Variants in SNX7 observed in about 807,000 individuals in gnomAD.
SNX7 encodes the protein sorting nexin-7.
Under a neutral mutation model 48.4 loss-of-function variants are expected in SNX7, and 35 were observed. The ratio of observed to expected loss-of-function variants is 0.72; its 90% confidence interval spans 0.55 to 0.96. The LOEUF is 0.96. SNX7 is among the 40% of genes least tolerant of loss of function. The pLI, the probability that SNX7 is intolerant of heterozygous loss-of-function variation, is 0.00. For synonymous variants in SNX7, 190 were observed against 190.2 expected (o/e 1.00, Z 0.01); for missense variants, 553 against 548.9 (o/e 1.01, Z -0.07).
At position 98,669,560 on chromosome 1, in the gene SNX7, G is replaced by T. The variant is rs552652482; in HGVS notation, c.180+7649G>T. On this transcript the variant is annotated intron_variant, in intron 1 of 8. Transcript: ENST00000306121. ...CAGTTCCATGACTGTTACATCACCTGGGAGCTGGTTACAAATGCAGTCTCA... is the reference window on the plus strand; with the variant it reads ...CAGTTCCATGACTGTTACATCACCTTGGAGCTGGTTACAAATGCAGTCTCA... 2.0e-5 allele frequency among the ~76,000 whole-genome samples: 3 copies of T among 152,276 alleles called. No homozygotes were observed. The South Asian group carries it at 6.2e-4, about 32-fold the overall frequency.
intron 5 of SNX7, among the ~76,000 whole-genome samples, chr1:98,698,041 TTAAC>T (rs925580137): frequency 6.3e-4 from 96 of 152,134 alleles, no homozygotes; most frequent in African/African-American, 2.2e-3. Flanking sequence ...GAGGACTAAT[TTAAC>T]TAATTTAATT....
At chr1:98,686,749 T>C (rs1434425732) in intron 2 of SNX7, among the ~76,000 whole-genome samples, 1 of 152,154 alleles carries the variant, frequency 6.6e-6, no homozygotes, top group African/African-American at 2.4e-5. Context: ...ATAACAGTAC[T>C]AACCTCATAA....
At chr1:98,728,740 GCTAA>G (rs1298204410) in intron 7 of SNX7, among the ~76,000 whole-genome samples, 1 of 152,110 alleles carries the variant, frequency 6.6e-6, no homozygotes, top group Non-Finnish European at 1.5e-5. Flanking sequence ...AGCAAGAAGA[GCTAA>G]CTAATCTAGA....
At chr1:98,700,790 G>A (rs1651709096) in intron 6 of SNX7, among the ~76,000 whole-genome samples, 1 of 151,892 alleles carries the variant, frequency 6.6e-6, no homozygotes, top group African/African-American at 2.4e-5. Flanking sequence ...ATGCTTTTTG[G>A]TTATCATTTA....
Position 98,674,944 on chromosome 1 carries a change from G to A in SNX7, c.181-9941G>A, listed in dbSNP as rs150855394. Reference sequence around the variant, plus strand: ...CACTGTTCTAGCTACAGGAGTAAACGTGATTTAAGAAGTAGAGATTTGTCA... The same window carrying A: ...CACTGTTCTAGCTACAGGAGTAAACATGATTTAAGAAGTAGAGATTTGTCA... On this transcript the variant is annotated intron_variant, in intron 1 of 8. Transcript: ENST00000306121. Among the ~76,000 whole-genome samples the A allele has an allele frequency of 3.8e-4, 58 of 152,222 alleles. 1 individual carries two copies. In the East Asian group the frequency reaches 9.5e-3, roughly 25 times the overall value.
chr1:98,668,558 A>G (rs1398945252), intron 1 of SNX7, among the ~76,000 whole-genome samples: 3 of 152,186 alleles, frequency 2.0e-5, no homozygotes, highest in African/African-American at 7.2e-5. Context: ...GGAAGTAGCA[A>G]CAGTTTTGAC....
intron 8 of SNX7, among the ~76,000 whole-genome samples, chr1:98,756,627 A>C (rs1254651463): frequency 1.3e-5 from 2 of 151,516 alleles, no homozygotes; most frequent in African/African-American, 4.8e-5. Flanking sequence ...TGCATGTGCC[A>C]GTCAGTACTC....
At chr1:98,703,112 A>G (rs981262945) in intron 7 of SNX7, among the ~76,000 whole-genome samples, 23 of 151,258 alleles carry the variant, frequency 1.5e-4, no homozygotes, top group African/African-American at 5.3e-4. Flanking sequence ...GATTTTTTTT[A>G]TTTGTTCACT....
intron 1 of SNX7, among the ~76,000 whole-genome samples, chr1:98,683,854 C>A (rs1650637464): frequency 6.6e-6 from 1 of 152,112 alleles, no homozygotes; most frequent in South Asian, 2.1e-4. Context: ...CACTTGATAT[C>A]TGTATTTTCA....
chr1:98,696,282 A>G (rs923132207), intron 5 of SNX7, among the ~76,000 whole-genome samples: 1 of 151,966 alleles, frequency 6.6e-6, no homozygotes, highest in African/African-American at 2.4e-5. Context: ...TAAAAAATAG[A>G]TAACTGAGTC....
At position 98,738,303 on chromosome 1, in the gene SNX7, T is replaced by G; in HGVS notation, c.1192T>G (p.Trp398Gly). Residue 398 changes from tryptophan to glycine, a missense_variant, in exon 8 of 9, where the codon TGG (tryptophan) becomes GGG (glycine). Physicochemically the swap from Trp to Gly is radical, Grantham distance 184 (BLOSUM62 -2). Transcript: ENST00000306121. ...TGCTAATAATGCCCTGAAAGCAGAT[T>G]GGGAGAGATGGAAACAAAATATGCA... ...ECANNALKAD[W>G]ERWKQNMQND... 1 of 1,613,610 alleles carries G rather than the reference T, an allele frequency of 6.2e-7. No individual in the cohort carries two copies. Among genetic ancestry groups the G allele is most frequent in the Non-Finnish European group, 8.5e-7 (1 of 1,179,746 alleles).
At chr1:98,730,583 A>G (rs543323060) in intron 7 of SNX7, among the ~76,000 whole-genome samples, 68 of 152,224 alleles carry the variant, frequency 4.5e-4, no homozygotes, top group African/African-American at 1.6e-3. Flanking sequence ...ATGTGCGGAA[A>G]TCACAAGCAT....
In SNX7 at chr1:98,730,308, A is replaced by G. The variant is rs185536213; in HGVS notation, c.1126-7929A>G. On this transcript the variant is annotated intron_variant, in intron 7 of 8. Transcript: ENST00000306121. ...ACAAACCCACAGCCATATCATACTG[A>G]ATGGGCAAAATCTGGAAGCAGTACC... Among the ~76,000 whole-genome samples the G allele has an allele frequency of 1.3e-3, 198 of 152,252 alleles. 2 individuals are homozygous for G. The highest frequency in any genetic ancestry group is 4.6e-3 in the African/African-American group (192 of 41,552).
chr1:98,712,474 A>G (rs766119614), intron 7 of SNX7, among the ~76,000 whole-genome samples: 2 of 152,204 alleles, frequency 1.3e-5, no homozygotes, highest in African/African-American at 2.4e-5. Flanking sequence ...GTACATTGTC[A>G]ATAAACAGTA....
At chr1:98,691,736 G>T in intron 4 of SNX7, 37 bp downstream of exon 4, 1 of 1,501,034 alleles carries the variant, frequency 6.7e-7, no homozygotes, top group Non-Finnish European at 9.0e-7. Context: ...TAATCTTTGG[G>T]TGTCTGTATC....
chr1:98,738,506 G>A (rs1425490899), intron 8 of SNX7, 117 bp downstream of exon 8: 2 of 975,286 alleles, frequency 2.1e-6, no homozygotes, highest in African/African-American at 3.3e-5. Context: ...ATGCCTCTCT[G>A]GTAGCTTGGT....
chr1:98,666,983 A>G (rs1180935742), intron 1 of SNX7, among the ~76,000 whole-genome samples: 3 of 152,202 alleles, frequency 2.0e-5, no homozygotes, highest in Non-Finnish European at 2.9e-5. Flanking sequence ...AGATGTCTGT[A>G]TGATTTCAGC....
intron 8 of SNX7, among the ~76,000 whole-genome samples, chr1:98,758,622 A>G (rs1654970581): frequency 6.6e-6 from 1 of 152,082 alleles, no homozygotes; most frequent in Non-Finnish European, 1.5e-5. Flanking sequence ...GATAAACTTG[A>G]TTATTCTAAT....
At chr1:98,692,613 A>G (rs1651204524) in intron 4 of SNX7, among the ~76,000 whole-genome samples, 1 of 152,144 alleles carries the variant, frequency 6.6e-6, no homozygotes. Context: ...TAATGGAGAG[A>G]TGAACTACTC....
Sources: gnomAD v4.1 joint callset for allele counts (sites outside exome capture counted in the v4.1 genomes callset) on GRCh38, gnomAD v4.1.1 for gene constraint, MANE v1.5 for transcripts, NCBI Gene and HGNC (gene_info 2026-07-23, HGNC 2026-07-21) for gene names.